The following ARL15 variants were observed in gnomAD, a reference collection of about 807,000 sequenced individuals.
ARL15 encodes ARF like GTPase 15.
In ARL15, 19 loss-of-function variants were observed where a neutral mutation model predicts 25.2. The observed-to-expected ratio is 0.75, with a 90% confidence interval of 0.53 to 1.10. The LOEUF is 1.10. Ranked by LOEUF, ARL15 falls within the 50% of genes least tolerant of loss-of-function variation. The pLI, the probability that ARL15 is intolerant of heterozygous loss-of-function variation, is 0.00. For synonymous variants in ARL15, 94 were observed against 86.8 expected (o/e 1.08, Z -0.46); for missense variants, 220 against 246.0 (o/e 0.89, Z 0.71).
intron 4 of ARL15, among the ~76,000 whole-genome samples, chr5:53,912,761 T>A (rs1234282511): frequency 1.3e-5 from 2 of 152,156 alleles, no homozygotes; most frequent in Non-Finnish European, 2.9e-5. Flanking sequence ...TGAATTCAAC[T>A]TATCCATTCA....
chr5:53,973,752 AAAAC>A (rs1057392075), intron 4 of ARL15, among the ~76,000 whole-genome samples: 8 of 152,172 alleles, frequency 5.3e-5, no homozygotes, highest in African/African-American at 9.6e-5. Context: ...AAAACAAAAC[AAAAC>A]AAACAAACAA....
intron 4 of ARL15, among the ~76,000 whole-genome samples, chr5:54,066,351 T>C (rs1751230805): frequency 1.3e-5 from 2 of 152,218 alleles, no homozygotes; most frequent in African/African-American, 4.8e-5. Flanking sequence ...TTGCCATGTT[T>C]TCATAAAAAA....
chr5:54,001,411 T>A (rs1235290857), intron 4 of ARL15, among the ~76,000 whole-genome samples: 1 of 152,188 alleles, frequency 6.6e-6, no homozygotes, highest in Non-Finnish European at 1.5e-5. Context: ...AATTCTCAAC[T>A]ACTCCATGAT....
chr5:54,048,420 T>G (rs1750601366), intron 4 of ARL15: 1 of 144,342 alleles, frequency 6.9e-6, no homozygotes, highest in South Asian at 2.1e-4. Context: ...TTTTTTTTTT[T>G]GAGATGGGGT....
chr5:54,045,608 A>AAT (rs1750481486), intron 4 of ARL15, among the ~76,000 whole-genome samples: 1 of 151,790 alleles, frequency 6.6e-6, no homozygotes, highest in African/African-American at 2.4e-5. Flanking sequence ...AAAAAAAAAA[A>AAT]GCCACCTTAA....
At chr5:53,961,050 C>G (rs1747346946) in intron 4 of ARL15, among the ~76,000 whole-genome samples, 2 of 152,118 alleles carry the variant, frequency 1.3e-5, no homozygotes, top group Admixed American at 1.3e-4. Context: ...TATCTACATC[C>G]AGTTGTGGAC....
At chr5:54,054,154 T>C (rs1033162994) in intron 4 of ARL15, among the ~76,000 whole-genome samples, 2 of 152,214 alleles carry the variant, frequency 1.3e-5, no homozygotes, top group Non-Finnish European at 2.9e-5. Flanking sequence ...ATCTCTCCCC[T>C]TACTTCCGGT....
At chr5:54,033,625 T>C (rs1364244460) in intron 4 of ARL15, among the ~76,000 whole-genome samples, 1 of 147,886 alleles carries the variant, frequency 6.8e-6, no homozygotes, top group Admixed American at 6.8e-5. Context: ...TGATCCGAGA[T>C]CGAGCCACTG....
At chr5:54,200,153 G>A (rs1755674609) in intron 1 of ARL15, among the ~76,000 whole-genome samples, 1 of 131,880 alleles carries the variant, frequency 7.6e-6, no homozygotes, top group African/African-American at 2.7e-5. Flanking sequence ...GTGGGGTGGG[G>A]GGAGGGGGCA....
chr5:54,261,792 G>A (rs1757503883), intron 1 of ARL15, among the ~76,000 whole-genome samples: 1 of 152,048 alleles, frequency 6.6e-6, no homozygotes, highest in Admixed American at 6.6e-5. Flanking sequence ...GTTTTTTCGG[G>A]AGGGTGGGGG....
In ARL15 at chr5:53,979,350, T is replaced by C. The variant is rs150020902; in HGVS notation, c.463-92637A>G. ...GAGTTTGAGACTAGCCTGGGCAACA[T>C]AGTGAGACCTCATCTCTACAAAAAA... On this transcript the variant is annotated intron_variant, in intron 4 of 4. Transcript: ENST00000504924. Among the ~76,000 whole-genome samples, 458 of 151,968 alleles carry C rather than the reference T, an allele frequency of 3.0e-3. 3 individuals carry two copies. Among genetic ancestry groups the C allele is most frequent in the African/African-American group, 0.01 (415 of 41,436 alleles).
chr5:54,248,432 G>A (rs890082485), intron 1 of ARL15, among the ~76,000 whole-genome samples: 2 of 152,056 alleles, frequency 1.3e-5, no homozygotes, highest in African/African-American at 2.4e-5. Flanking sequence ...CTCTGATTCA[G>A]GGCCTTTGCA....
intron 4 of ARL15, among the ~76,000 whole-genome samples, chr5:54,096,392 G>A (rs1233225041): frequency 6.6e-6 from 1 of 152,110 alleles, no homozygotes; most frequent in Non-Finnish European, 1.5e-5. Context: ...TTTGTTAAAT[G>A]AGCAATGACA....
At chr5:53,958,653 C>T (rs928251807) in intron 4 of ARL15, among the ~76,000 whole-genome samples, 12 of 152,082 alleles carry the variant, frequency 7.9e-5, no homozygotes, top group African/African-American at 2.9e-4. Context: ...CAGGATCCAA[C>T]CATATACTGT....
intron 3 of ARL15, among the ~76,000 whole-genome samples, chr5:54,151,695 T>C (rs980208214): frequency 1.3e-5 from 2 of 151,520 alleles, no homozygotes; most frequent in Non-Finnish European, 2.9e-5. Context: ...CACAAACATA[T>C]GTTTGTGTGT....
At chr5:54,128,744 C>T (rs1257920492) in intron 3 of ARL15, among the ~76,000 whole-genome samples, 1 of 134,786 alleles carries the variant, frequency 7.4e-6, no homozygotes, top group Admixed American at 8.8e-5. Flanking sequence ...CTCGCTCTGT[C>T]GCCCAGACTG....
At chr5:54,289,455 G>C (rs955139208) in intron 1 of ARL15, among the ~76,000 whole-genome samples, 1 of 151,968 alleles carries the variant, frequency 6.6e-6, no homozygotes, top group Non-Finnish European at 1.5e-5. Context: ...CAATATTATA[G>C]ACAATAAAAG....
chr5:53,926,949 TAA>T lies in ARL15; in HGVS notation c.463-40238_463-40237del, dbSNP rs76965646. Among the ~76,000 whole-genome samples the T allele has an allele frequency of 1.1e-3, 148 of 136,190 alleles. 2 individuals carry two copies. The highest frequency in any genetic ancestry group is 9.0e-4 in the Non-Finnish European group (55 of 60,914). The allele number at this position is 136,190 out of a possible 152,430, so 89.3% of individuals were successfully genotyped here. On this transcript the variant is annotated intron_variant, in intron 4 of 4. Transcript: ENST00000504924. Reference sequence around the variant, plus strand: ...CTTCAGTCACCAAGACCTTTTTTTTTAAAAAAAAAAAATAAAGTCCAAAAGCC... The same window carrying T: ...CTTCAGTCACCAAGACCTTTTTTTTTAAAAAAAAAATAAAGTCCAAAAGCC...
intron 3 of ARL15, among the ~76,000 whole-genome samples, chr5:54,135,289 A>G (rs1176093018): frequency 6.6e-6 from 1 of 152,080 alleles, no homozygotes; most frequent in African/African-American, 2.4e-5. Context: ...GAAAAAGCAA[A>G]CCTAAAAAGA....
Sources: allele counts gnomAD v4.1 joint callset (sites outside exome capture counted in the v4.1 genomes callset), GRCh38; gene constraint gnomAD v4.1.1; transcripts MANE v1.5; gene names NCBI Gene and HGNC (gene_info 2026-07-23, HGNC 2026-07-21).